CATSPERD: variants seen among roughly 807,000 people sequenced by gnomAD.
CATSPERD encodes the protein catsper channel auxiliary subunit delta, also known as cation channel sperm-associated auxiliary subunit delta.
A neutral mutation model predicts 98.1 loss-of-function variants in CATSPERD; 86 were observed. The ratio of observed to expected loss-of-function variants is 0.88; its 90% CI spans 0.74 to 1.05. The LOEUF (loss-of-function observed/expected upper bound fraction) is 1.05. CATSPERD is among the 50% of genes least tolerant of loss of function. CATSPERD has a pLI of 0.00. For synonymous variants in CATSPERD, 394 were observed against 390.2 expected (o/e 1.01, Z -0.12); for missense variants, 995 against 1,005.7 (o/e 0.99, Z 0.14).
chr19:5,737,998 G>A (rs2055882152), intron 6 of CATSPERD, among the ~76,000 whole-genome samples: 1 of 152,016 alleles, frequency 6.6e-6, no homozygotes, highest in South Asian at 2.1e-4. Context: ...CAGATCCACC[G>A]GCTGACACTA....
At chr19:5,752,578 A>G (rs1403613678) in intron 12 of CATSPERD, among the ~76,000 whole-genome samples, 1 of 152,164 alleles carries the variant, frequency 6.6e-6, no homozygotes, top group Non-Finnish European at 1.5e-5. Context: ...ACCACTGCCA[A>G]CACGATCAAA....
intron 1 of CATSPERD, 87 bp from the exon 2 acceptor site, chr19:5,724,721 T>TA: frequency 7.4e-7 from 1 of 1,343,146 alleles, no homozygotes; most frequent in Non-Finnish European, 1.1e-6. Flanking sequence ...ACAGATACTT[T>TA]AGGGTTAACC....
intron 18 of CATSPERD, among the ~76,000 whole-genome samples, chr19:5,770,150 G>A (rs1456116023): frequency 4.0e-5 from 6 of 150,962 alleles, no homozygotes; most frequent in African/African-American, 1.2e-4. Flanking sequence ...AAAACCGGCC[G>A]GGCGCAGTGG....
At chr19:5,760,687 T>C (rs1244960773) in intron 15 of CATSPERD, among the ~76,000 whole-genome samples, 3 of 152,024 alleles carry the variant, frequency 2.0e-5, no homozygotes, top group Non-Finnish European at 2.9e-5. Context: ...TGCACAACTC[T>C]GTGAATGTAG....
intron 15 of CATSPERD, among the ~76,000 whole-genome samples, chr19:5,762,067 T>A (rs1369049211): frequency 7.5e-5 from 6 of 80,244 alleles, no homozygotes; most frequent in Non-Finnish European, 1.1e-4. Flanking sequence ...TATTTTTTTT[T>A]TTTTTTTTTT....
chr19:5,765,344 C>A (rs2056516641), intron 16 of CATSPERD, among the ~76,000 whole-genome samples: 1 of 151,980 alleles, frequency 6.6e-6, no homozygotes, highest in Non-Finnish European at 1.5e-5. Flanking sequence ...TGTAGAGTAA[C>A]CCCCAATTGC....
In CATSPERD at chr19:5,763,282, A is replaced by C; in HGVS notation, c.1495A>C (p.Ile499Leu). 6.2e-7 allele frequency: 1 copy of C among 1,613,726 alleles called. No homozygotes were observed. The highest frequency in any genetic ancestry group is 8.5e-7 in the Non-Finnish European group (1 of 1,179,672). ...AAACAAGGAAATTTCATGTGTGGAT[A>C]TCAAGCCACTGGTAGGTCCCAAATC... is the stretch of plus-strand genomic sequence containing the variant. Reference protein sequence around the residue: ...IANKEISCVDIKPLSTLISVG... With the variant: ...IANKEISCVDLKPLSTLISVG... Residue 499 changes from isoleucine (I) to leucine (L), a missense_variant, in exon 16 of 22, where the codon ATC (isoleucine) becomes CTC (leucine). This residue lies in a region of CATSPERD where 762 missense variants were observed against 773.7 expected (regional missense o/e 0.98). Transcript: ENST00000381624.
chr19:5,753,418 T>G (rs935659112), intron 12 of CATSPERD: 1 of 160,900 alleles, frequency 6.2e-6, no homozygotes, highest in African/African-American at 2.4e-5. Flanking sequence ...AAAAATTAGC[T>G]GGGCGTGGTG....
chr19:5,737,061 A>C lies in CATSPERD; in HGVS notation c.392-77A>C. ...GACAGAGCAAGACTCTGTCTCAAAAACAAAACAAAAAACAAAAAACTTTTC... is the reference window on the plus strand; with the variant it reads ...GACAGAGCAAGACTCTGTCTCAAAACCAAAACAAAAAACAAAAAACTTTTC... On this transcript the variant is annotated intron_variant, in intron 5 of 21. Coordinates refer to ENST00000381624, the MANE Select transcript of CATSPERD (RefSeq NM_152784.4). The C allele has an allele frequency of 3.1e-6, 3 of 971,578 alleles. No homozygotes were observed. The South Asian group carries it at 4.2e-5, about 13-fold the overall frequency. The allele number at this position is 971,578 out of a possible 1,614,324, so 60.2% of individuals were successfully genotyped here.
intron 15 of CATSPERD, among the ~76,000 whole-genome samples, chr19:5,761,655 AAGAGAGAGAGAGAG>A (rs142797931): frequency 1.5e-4 from 2 of 12,926 alleles, no homozygotes; most frequent in African/African-American, 4.2e-4. Context: ...ATGGCGGCAG[AAGAGAGAGAGAGAG>A]AGAGAATGAG....
At chr19:5,750,047 A>G (rs1599552248) in intron 11 of CATSPERD, among the ~76,000 whole-genome samples, 1 of 150,530 alleles carries the variant, frequency 6.6e-6, no homozygotes, top group Non-Finnish European at 1.5e-5. Flanking sequence ...CAGGTGATCC[A>G]CCCGCCTAGG....
intron 14 of CATSPERD, 140 bp from the exon 15 acceptor site, chr19:5,758,946 A>T: frequency 5.1e-6 from 3 of 585,648 alleles, no homozygotes; most frequent in South Asian, 2.1e-5. Flanking sequence ...AAAAAAAAAA[A>T]GGAACAGAGT....
At chr19:5,738,476 G>T (rs1190464926) in intron 6 of CATSPERD, among the ~76,000 whole-genome samples, 1 of 152,032 alleles carries the variant, frequency 6.6e-6, no homozygotes, top group African/African-American at 2.4e-5. Context: ...AGGTTATAGT[G>T]AGCTGAGATC....
chr19:5,720,896 C>T (rs2055447873), intron 1 of CATSPERD, 88 bp downstream of exon 1: 2 of 1,049,316 alleles, frequency 1.9e-6, no homozygotes, highest in African/African-American at 1.6e-5. Context: ...TGCTCCCCAA[C>T]CTCACTGAGG....
intron 17 of CATSPERD, 133 bp downstream of exon 17, chr19:5,766,288 T>TAA (rs1401674978): frequency 1.3e-3 from 256 of 195,768 alleles, no homozygotes; most frequent in South Asian, 2.6e-3. Context: ...CCGTCTCTAC[T>TAA]GAAAAAAAAA....
intron 20 of CATSPERD, 26 bp from the exon 21 acceptor site, chr19:5,776,135 A>C (rs751429282): frequency 6.2e-7 from 1 of 1,611,272 alleles, no homozygotes; most frequent in Non-Finnish European, 8.5e-7. Flanking sequence ...CCCTAGGGCC[A>C]GTGGGCATGT....
chr19:5,762,058 A>ATATATATTTTTTT lies in CATSPERD; in HGVS notation c.1428-1156_1428-1155insATATATTTTTTTT. 3.4e-3 allele frequency among the ~76,000 whole-genome samples: 36 copies of ATATATATTTTTTT among 10,438 alleles called. 1 individual carries two copies. Among genetic ancestry groups the ATATATATTTTTTT allele is most frequent in the South Asian group, 7.8e-3 (1 of 128 alleles). The allele number at this position is 10,438 out of a possible 152,430, so 6.8% of individuals were successfully genotyped here. A position where few individuals can be genotyped will look rare whatever the true frequency, so the allele number is the denominator to read the frequency against. ...TGGCCTGCCATATATATATATATAT[A>ATATATATTTTTTT]TTTTTTTTTTTTTTTTTTTTTTTGA... On this transcript the variant is annotated intron_variant, in intron 15 of 21. Transcript: ENST00000381624.
chr19:5,763,846 C>CTTTTTTTTTTTT (rs2056487895), intron 16 of CATSPERD, among the ~76,000 whole-genome samples: 1 of 23,846 alleles, frequency 4.2e-5, no homozygotes, highest in Non-Finnish European at 1.1e-4. Context: ...GTCTTGAACT[C>CTTTTTTTTTTTT]CTTTTTTTTT....
At chr19:5,731,358 C>T (rs1568342116) in intron 4 of CATSPERD, among the ~76,000 whole-genome samples, 3 of 150,342 alleles carry the variant, frequency 2.0e-5, no homozygotes, top group Non-Finnish European at 4.4e-5. Context: ...TGTGGTGGTG[C>T]GTGCCTGTTG....
Sources: gnomAD v4.1 joint callset for allele counts (sites outside exome capture counted in the v4.1 genomes callset) on GRCh38, gnomAD v4.1.1 for gene constraint, gnomAD v4.1.1 regional missense constraint, MANE v1.5 for transcripts, NCBI Gene and HGNC (gene_info 2026-07-23, HGNC 2026-07-21) for gene names.